Variants in PTGER4 observed in about 807,000 individuals in gnomAD.
The protein encoded by PTGER4 is prostaglandin E2 receptor EP4 subtype.
PTGER4 carries 11 observed loss-of-function variants against 33.2 expected under a neutral mutation model. The observed-to-expected ratio is 0.33, with a 90% confidence interval of 0.21 to 0.55. PTGER4 has a LOEUF of 0.55. Among genes scored for constraint, PTGER4 ranks in the 20% least tolerant of loss-of-function variants. The pLI, the probability that PTGER4 is intolerant of heterozygous loss-of-function variation, is 0.92. For missense variants in PTGER4, 481 were observed against 650.2 expected (o/e 0.74, Z 2.83); for synonymous variants, 275 against 281.5 (o/e 0.98, Z 0.23).
rs1209806496 is a variant in PTGER4, at chr5:40,691,720, TTA to T, written c.868-55_868-54del. ...AATATTGATAAGGTAGACATAGCAT[TTA>T]TATGTTTTCCCAATTGATTAATGAT... On this transcript the variant is annotated intron_variant, in intron 2 of 2. Coordinates refer to ENST00000302472, the MANE Select transcript of PTGER4 (RefSeq NM_000958.3). This position sits in a 1 kb window ranked among gnomAD's most constrained non-coding sequence, Gnocchi z 4.2. 3 of 1,550,846 alleles carry T rather than the reference TTA, an allele frequency of 1.9e-6. No individual in the cohort carries two copies. The highest frequency in any genetic ancestry group is 1.4e-5 in the African/African-American group (1 of 72,872).
At chr5:40,707,271 G>A in the PTGER4 span, among the ~76,000 whole-genome samples, 375 of 152,196 alleles carry the variant, frequency 2.5e-3, 1 homozygote, top group Non-Finnish European at 3.9e-3. Flanking sequence ...TCGGTGTGCC[G>A]TATTCAGGAA....
In PTGER4 at chr5:40,693,107, C is replaced by G; in HGVS notation, c.*729C>G. 1 of 943,554 alleles carries G rather than the reference C, an allele frequency of 1.1e-6. No homozygotes were observed. The highest frequency in any genetic ancestry group is 1.3e-6 in the Non-Finnish European group (1 of 791,694). 58.4% of individuals were successfully genotyped at this position (943,554 alleles called of 1,614,324 possible). A position where few individuals can be genotyped will look rare whatever the true frequency, so the allele number is the denominator to read the frequency against. Reference sequence around the variant, plus strand: ...GATGTGAAAATTACAGTCCAAAATACTGTTCTTTCCAGGCTATGTATAAAA... The same window carrying G: ...GATGTGAAAATTACAGTCCAAAATAGTGTTCTTTCCAGGCTATGTATAAAA... On this transcript the variant is annotated 3_prime_UTR_variant, in exon 3 of 3. Transcript: ENST00000302472.
At chr5:40,700,509 T>TGCACACACTCCCCATGGCTC in the PTGER4 span, among the ~76,000 whole-genome samples, 3 of 152,194 alleles carry the variant, frequency 2.0e-5, no homozygotes, top group African/African-American at 7.2e-5. Context: ...TCCCATGGGT[T>TGCACACACTCCCCATGGCTC]GCACACACTC....
chr5:40,696,981 A>AG (rs111298812), downstream of PTGER4, among the ~76,000 whole-genome samples: 42,313 of 138,486 alleles, frequency 0.31, 6,496 homozygotes, highest in East Asian at 0.56. Flanking sequence ...AGAGAGAGAG[A>AG]AAGAGAGAAA....
the PTGER4 span, among the ~76,000 whole-genome samples, chr5:40,703,483 A>G: frequency 6.6e-6 from 1 of 152,168 alleles, no homozygotes; most frequent in Non-Finnish European, 1.5e-5. Flanking sequence ...CAAGCTCTGA[A>G]ATTGAATCAG....
chr5:40,722,252 G>A, the PTGER4 span, among the ~76,000 whole-genome samples: 18 of 151,788 alleles, frequency 1.2e-4, no homozygotes, highest in African/African-American at 4.4e-4. Context: ...ATCTCGGCTC[G>A]CTGCAACCTC....
intron 2 of PTGER4, among the ~76,000 whole-genome samples, chr5:40,690,817 T>C (rs989487152): frequency 1.3e-5 from 2 of 152,124 alleles, no homozygotes; most frequent in Non-Finnish European, 2.9e-5. Flanking sequence ...TTCATTAGAA[T>C]TACAAAAACT....
downstream of PTGER4, chr5:40,696,790 GGT>G: frequency 1.2e-6 from 1 of 833,706 alleles, no homozygotes; most frequent in Non-Finnish European, 1.4e-6. Context: ...CTTGAGAAGG[GGT>G]GAAACAGGAT....
At chr5:40,702,527 G>C in the PTGER4 span, among the ~76,000 whole-genome samples, 634 of 152,302 alleles carry the variant, frequency 4.2e-3, 3 homozygotes, top group African/African-American at 0.015. Context: ...AGTTCTTAGA[G>C]ACCTACAAAG....
At chr5:40,697,268 AAGAAAG>A (rs1370025166), downstream of PTGER4, among the ~76,000 whole-genome samples, 17 of 125,574 alleles carry the variant, frequency 1.4e-4, 1 homozygote, top group South Asian at 4.2e-3. Context: ...GAAAGAAAGA[AAGAAAG>A]AAAGAAAGAA....
At chr5:40,705,235 T>A in the PTGER4 span, among the ~76,000 whole-genome samples, 1 of 152,198 alleles carries the variant, frequency 6.6e-6, no homozygotes, top group Admixed American at 6.5e-5. Context: ...AAAGACTTCA[T>A]ATTCTATAAA....
chr5:40,719,622 A>G, the PTGER4 span, among the ~76,000 whole-genome samples: 1 of 152,222 alleles, frequency 6.6e-6, no homozygotes, highest in African/African-American at 2.4e-5. Context: ...AGGAGCTGCC[A>G]GACTGTTTTC....
chr5:40,713,573 T>C, the PTGER4 span, among the ~76,000 whole-genome samples: 7 of 152,114 alleles, frequency 4.6e-5, no homozygotes, highest in Non-Finnish European at 1.0e-4. Context: ...GTTAATATAT[T>C]TAAGATAAAT....
At chr5:40,702,855 T>C in the PTGER4 span, among the ~76,000 whole-genome samples, 1 of 152,098 alleles carries the variant, frequency 6.6e-6, no homozygotes, top group East Asian at 1.9e-4. Context: ...GTCAACACAA[T>C]GAAAATTGCT....
chr5:40,696,555 C>T (rs1191971996), downstream of PTGER4: 3 of 592,796 alleles, frequency 5.1e-6, no homozygotes, highest in Non-Finnish European at 6.4e-6. Flanking sequence ...CTGGAAGTAC[C>T]TTGGCAGAAA....
At chr5:40,741,976 C>T in the PTGER4 span, among the ~76,000 whole-genome samples, 7 of 151,884 alleles carry the variant, frequency 4.6e-5, no homozygotes, top group South Asian at 4.2e-4. Flanking sequence ...GCCAACAGAG[C>T]GAGACTCTGT....
chr5:40,714,584 T>C, the PTGER4 span: 9 of 152,222 alleles, frequency 5.9e-5, no homozygotes, highest in Non-Finnish European at 1.2e-4. Context: ...ATTTACGTTT[T>C]GAGAATGTTC....
At chr5:40,702,913 C>T in the PTGER4 span, among the ~76,000 whole-genome samples, 4 of 152,188 alleles carry the variant, frequency 2.6e-5, no homozygotes, top group African/African-American at 9.7e-5. Flanking sequence ...TCCTGAATGA[C>T]TTTTGAGTAA....
the PTGER4 span, among the ~76,000 whole-genome samples, chr5:40,735,054 G>A: frequency 6.6e-6 from 1 of 152,168 alleles, no homozygotes; most frequent in Non-Finnish European, 1.5e-5. Flanking sequence ...GAAGAACCTG[G>A]GGCAGGACCA....
Sources: gnomAD v4.1 joint callset for allele counts (sites outside exome capture counted in the v4.1 genomes callset) on GRCh38, gnomAD v4.1.1 for gene constraint, Gnocchi (gnomAD v3.1) non-coding constraint, MANE v1.5 for transcripts, NCBI Gene and HGNC (gene_info 2026-07-23, HGNC 2026-07-21) for gene names.